The following KCNIP4 variants were observed in gnomAD, a reference collection of about 807,000 sequenced individuals.
KCNIP4 encodes the protein potassium voltage-gated channel interacting protein 4.
A neutral mutation model predicts 34.0 loss-of-function variants in KCNIP4; 12 were observed. The observed-to-expected ratio is 0.35, with a 90% CI of 0.23 to 0.57. KCNIP4 has a LOEUF of 0.57. Among genes scored for constraint, KCNIP4 ranks in the 20% least tolerant of loss-of-function variants. The pLI, the probability that KCNIP4 is intolerant of heterozygous loss-of-function variation, is 0.83. For synonymous variants in KCNIP4, 124 were observed against 102.2 expected (o/e 1.21, Z -1.29); for missense variants, 238 against 311.7 (o/e 0.76, Z 1.78).
intron 2 of KCNIP4, among the ~76,000 whole-genome samples, chr4:20,863,380 A>G (rs1468120017): frequency 1.3e-5 from 2 of 152,146 alleles, no homozygotes; most frequent in African/African-American, 4.8e-5. Context: ...CATCAAGTGC[A>G]GGGTCTGCAA....
intron 1 of KCNIP4, among the ~76,000 whole-genome samples, chr4:21,461,013 CAAG>C (rs1217058718): frequency 6.6e-6 from 1 of 152,028 alleles, no homozygotes; most frequent in Non-Finnish European, 1.5e-5. Context: ...ACAATGCTGC[CAAG>C]AATAGTCATA....
At chr4:21,437,000 CA>C (rs1219424176) in intron 1 of KCNIP4, among the ~76,000 whole-genome samples, 1 of 152,160 alleles carries the variant, frequency 6.6e-6, no homozygotes, top group Non-Finnish European at 1.5e-5. Flanking sequence ...GATAGGAAAA[CA>C]CATTTTCTTA....
chr4:21,175,156 A>C (rs1754311954), intron 1 of KCNIP4, among the ~76,000 whole-genome samples: 1 of 152,002 alleles, frequency 6.6e-6, no homozygotes, highest in South Asian at 2.1e-4. Flanking sequence ...AAAACTCTGC[A>C]ATTGTAAATT....
intron 1 of KCNIP4, among the ~76,000 whole-genome samples, chr4:21,399,253 A>C (rs1723263622): frequency 6.6e-6 from 1 of 152,204 alleles, no homozygotes; most frequent in Non-Finnish European, 1.5e-5. Context: ...CTGTTAGGGC[A>C]TGTGGTCCAA....
In KCNIP4 at chr4:21,713,429, A is replaced by G. The variant is rs1333997112; in HGVS notation, c.61+235142T>C. Among the ~76,000 whole-genome samples the G allele has an allele frequency of 2.6e-5, 4 of 152,176 alleles. No homozygotes were observed. The East Asian group carries it at 7.7e-4, about 29-fold the overall frequency. Reference sequence around the variant, plus strand: ...GTTGGCATCATTTTCATTATTTTATAGGCAATATAGAAATATATCTGCACT... The same window carrying G: ...GTTGGCATCATTTTCATTATTTTATGGGCAATATAGAAATATATCTGCACT... On this transcript the variant is annotated intron_variant, in intron 1 of 8. Transcript: ENST00000382152.
intron 1 of KCNIP4, among the ~76,000 whole-genome samples, chr4:21,257,886 A>C (rs1761177753): frequency 6.6e-6 from 1 of 152,232 alleles, no homozygotes; most frequent in Admixed American, 6.5e-5. Context: ...TGCCAGACAT[A>C]GCCATAAGAA....
intron 1 of KCNIP4, among the ~76,000 whole-genome samples, chr4:21,068,228 A>C (rs961018526): frequency 1.3e-5 from 2 of 152,062 alleles, no homozygotes; most frequent in African/African-American, 4.8e-5. Context: ...TCATGTCCAC[A>C]TCATAATCAT....
At chr4:21,777,607 A>G (rs941592031) in intron 1 of KCNIP4, among the ~76,000 whole-genome samples, 3 of 152,204 alleles carry the variant, frequency 2.0e-5, no homozygotes, top group Non-Finnish European at 4.4e-5. Context: ...TCTGCTCAGA[A>G]TTACATATAA....
intron 1 of KCNIP4, among the ~76,000 whole-genome samples, chr4:21,905,406 T>A (rs946655162): frequency 6.6e-6 from 1 of 152,132 alleles, no homozygotes. Context: ...TCTTTTTTTT[T>A]ATTCTATTAT....
At chr4:20,838,530 T>A (rs1719337450) in intron 3 of KCNIP4, among the ~76,000 whole-genome samples, 2 of 152,216 alleles carry the variant, frequency 1.3e-5, no homozygotes, top group South Asian at 4.1e-4. Flanking sequence ...ATGATCCCTG[T>A]GACTAAGTTT....
chr4:21,646,624 C>G (rs1188316951), intron 1 of KCNIP4, among the ~76,000 whole-genome samples: 1 of 152,040 alleles, frequency 6.6e-6, no homozygotes, highest in Admixed American at 6.6e-5. Context: ...ATTTAACAGC[C>G]ATGCCCCATG....
At position 21,735,959 on chromosome 4, in the gene KCNIP4, T is replaced by A. The variant is rs1325723559; in HGVS notation, c.61+212612A>T. On this transcript the variant is annotated intron_variant, in intron 1 of 8. Transcript: ENST00000382152. ...GCATTTTTCAGTCCCCTGGAAGCCATGCATGGCCATGTGACTTGGTTTTGC... is the reference window on the plus strand; with the variant it reads ...GCATTTTTCAGTCCCCTGGAAGCCAAGCATGGCCATGTGACTTGGTTTTGC... Among the ~76,000 whole-genome samples the A allele has an allele frequency of 2.6e-5, 4 of 152,116 alleles. No individual in the cohort carries two copies. In the East Asian group the frequency reaches 7.7e-4, roughly 29 times the overall value.
chr4:20,836,502 A>G (rs985194314), intron 3 of KCNIP4, among the ~76,000 whole-genome samples: 2 of 152,168 alleles, frequency 1.3e-5, no homozygotes, highest in African/African-American at 4.8e-5. Context: ...AGAATTGGCT[A>G]ATGTGATTAT....
intron 1 of KCNIP4, among the ~76,000 whole-genome samples, chr4:21,555,128 G>T (rs899158949): frequency 6.6e-6 from 1 of 152,126 alleles, no homozygotes; most frequent in Non-Finnish European, 1.5e-5. Flanking sequence ...AATGCCTCAA[G>T]AAGCGAAATA....
At chr4:21,874,174 A>C (rs1314383049) in intron 1 of KCNIP4, among the ~76,000 whole-genome samples, 3 of 152,250 alleles carry the variant, frequency 2.0e-5, no homozygotes, top group Non-Finnish European at 4.4e-5. Context: ...ATTCGATTAC[A>C]ATGTACACAA....
At chr4:21,223,327 G>T (rs1448488909) in intron 1 of KCNIP4, among the ~76,000 whole-genome samples, 1 of 152,152 alleles carries the variant, frequency 6.6e-6, no homozygotes, top group Non-Finnish European at 1.5e-5. Flanking sequence ...TAAGGACAAA[G>T]ATTCTACCCT....
In KCNIP4 at chr4:20,732,793, A is replaced by G. The variant is rs1392921392; in HGVS notation, c.538-8T>C. On this transcript the variant is annotated splice_region_variant and splice_polypyrimidine_tract_variant and intron_variant, in intron 6 of 8. Transcript: ENST00000382152. ...CATTATATCAAGCATTTCCTGAAAA[A>G]TAAAAGGCACTCACGTGAGGCTGCA... 2 of 1,544,320 alleles carry G rather than the reference A, an allele frequency of 1.3e-6. No homozygotes were observed. The highest frequency in any genetic ancestry group is 8.9e-7 in the Non-Finnish European group (1 of 1,117,556).
At chr4:21,683,460 T>A (rs1750557112) in intron 1 of KCNIP4, among the ~76,000 whole-genome samples, 1 of 15,810 alleles carries the variant, frequency 6.3e-5, no homozygotes, top group South Asian at 3.2e-3. Context: ...TTTTTTTTTT[T>A]TTTTTTTTTT....
At chr4:21,274,232 T>C (rs1762311832) in intron 1 of KCNIP4, among the ~76,000 whole-genome samples, 1 of 152,194 alleles carries the variant, frequency 6.6e-6, no homozygotes, top group Admixed American at 6.5e-5. Context: ...GTACCATGCC[T>C]GTGTGTGAGA....
Sources: allele counts gnomAD v4.1 joint callset (sites outside exome capture counted in the v4.1 genomes callset), GRCh38; gene constraint gnomAD v4.1.1; transcripts MANE v1.5; gene names NCBI Gene and HGNC (gene_info 2026-07-23, HGNC 2026-07-21).